Variants in SVEP1 observed in about 807,000 individuals in gnomAD.
The protein encoded by SVEP1 is sushi, von Willebrand factor type A, EGF and pentraxin domain-containing protein 1.
In SVEP1, 164 loss-of-function variants were observed where a neutral mutation model predicts 367.3. That is an observed-to-expected ratio of 0.45 (90% CI 0.39 to 0.51). The LOEUF is 0.51. SVEP1 is among the 20% of genes least tolerant of loss of function. The probability of loss-of-function intolerance (pLI) is 0.00; values close to 1 mark genes in which losing one functional copy is unlikely to be tolerated. For synonymous variants in SVEP1, 1,666 were observed against 1,611.6 expected (o/e 1.03, Z -0.81); for missense variants, 4,117 against 4,425.3 (o/e 0.93, Z 1.98).
At chr9:110,381,994 TA>T (rs1827445487) in intron 43 of SVEP1, among the ~76,000 whole-genome samples, 1 of 152,214 alleles carries the variant, frequency 6.6e-6, no homozygotes, top group Admixed American at 6.5e-5. Flanking sequence ...TGTCAGAAAC[TA>T]GAAATACAAC....
chr9:110,450,268 T>C lies in SVEP1; in HGVS notation c.3902-8A>G, dbSNP rs1564146310. ...CTGTTTCACAATGCAGGCCTGAGGA[T>C]GGAGAAGGAAGAGAAACAGCCCAAA... On this transcript the variant is annotated splice_region_variant and splice_polypyrimidine_tract_variant and intron_variant, in intron 23 of 47. Transcript: ENST00000374469. 5.0e-6 allele frequency: 8 copies of C among 1,613,350 alleles called. No individual in the cohort carries two copies. Among genetic ancestry groups the C allele is most frequent in the African/African-American group, 2.7e-5 (2 of 74,944 alleles).
intron 1 of SVEP1, among the ~76,000 whole-genome samples, chr9:110,573,202 CT>C (rs1383598547): frequency 7.3e-5 from 11 of 151,722 alleles, no homozygotes; most frequent in Non-Finnish European, 1.5e-4. Flanking sequence ...AGAACCCAAA[CT>C]TTCCTTATTA....
In SVEP1 at chr9:110,378,297, A is replaced by G. The variant is rs1588020090; in HGVS notation, c.10409-931T>C. On this transcript the variant is annotated intron_variant, in intron 44 of 47. Transcript: ENST00000374469. ...CTCAAAAGGCTCTACATTCTCTTACATCCCATGTATTGGTGATCTCACTTC... is the reference window on the plus strand; with the variant it reads ...CTCAAAAGGCTCTACATTCTCTTACGTCCCATGTATTGGTGATCTCACTTC... 2.6e-5 allele frequency among the ~76,000 whole-genome samples: 4 copies of G among 152,132 alleles called. No individual in the cohort carries two copies. The South Asian group carries it at 8.3e-4, about 31-fold the overall frequency.
rs765882845 is a variant in SVEP1, at chr9:110,404,530, C to T, written c.9463G>A (p.Asp3155Asn). ...KLRCLEGYTM[D>N]TDTDTFTCQK... is the part of the protein sequence containing the mutation. Reference sequence around the variant, plus strand: ...CAGGTGAATGTATCTGTATCTGTATCCATCGTATAACCTTCCAGACATCTG... The same window carrying T: ...CAGGTGAATGTATCTGTATCTGTATTCATCGTATAACCTTCCAGACATCTG... The change falls in exon 39 of 48, where the codon GAT becomes AAT. Residue 3155 changes from aspartate (D) to asparagine (N), a missense_variant. Transcript: ENST00000374469. 6 of 1,613,954 alleles carry T rather than the reference C, an allele frequency of 3.7e-6. No homozygotes were observed. In the South Asian group the frequency reaches 6.6e-5, roughly 18 times the overall value.
intron 8 of SVEP1, among the ~76,000 whole-genome samples, chr9:110,491,591 G>A (rs1240638031): frequency 1.2e-4 from 1 of 8,536 alleles, no homozygotes; most frequent in African/African-American, 7.5e-4. Flanking sequence ...ATAGAATGGG[G>A]TGTGTGTGTG....
Position 110,481,274 on chromosome 9 carries a change from G to A in SVEP1, c.2333C>T (p.Pro778Leu), listed in dbSNP as rs749825943. 1 of 1,602,196 alleles carries A rather than the reference G, an allele frequency of 6.2e-7. No individual in the cohort carries two copies. The highest frequency in any genetic ancestry group is 2.2e-5 in the East Asian group (1 of 44,638). Residue 778 changes from proline (P) to leucine (L), a missense_variant, in exon 12 of 48, where the codon CCA becomes CTA. By Grantham distance (98) the Pro-to-Leu change is moderately conservative. Coordinates refer to ENST00000374469, the MANE Select transcript of SVEP1 (RefSeq NM_153366.4). Reference sequence around the variant, plus strand: ...GTCTGGCCATTCAGTGGTATATGTTGGTTTCCAGACGCCATCTTCATAAGC... The same window carrying A: ...GTCTGGCCATTCAGTGGTATATGTTAGTTTCCAGACGCCATCTTCATAAGC... ...YCAYEDGVWK[P>L]TYTTEWPDCA...
chr9:110,448,127 G>A (rs1201757106), intron 24 of SVEP1, among the ~76,000 whole-genome samples: 2 of 131,640 alleles, frequency 1.5e-5, no homozygotes, highest in African/African-American at 3.0e-5. Context: ...GGAAGAAAGT[G>A]AATGTGTGTG....
chr9:110,398,174 C>T (rs7041340), intron 40 of SVEP1, among the ~76,000 whole-genome samples: 30,522 of 151,640 alleles, frequency 0.2, 3,194 homozygotes, highest in Middle Eastern at 0.32. Context: ...ACAGAGCCCT[C>T]AGAAATTATG....
chr9:110,403,782 T>C (rs1827907785), intron 39 of SVEP1, among the ~76,000 whole-genome samples: 1 of 151,984 alleles, frequency 6.6e-6, no homozygotes, highest in South Asian at 2.1e-4. Context: ...ACCAAGGTTG[T>C]AGAAGCAGGC....
At chr9:110,562,290 C>T (rs1830441972) in intron 1 of SVEP1, among the ~76,000 whole-genome samples, 1 of 151,394 alleles carries the variant, frequency 6.6e-6, no homozygotes, top group East Asian at 1.9e-4. Flanking sequence ...AATGACCTAT[C>T]ATTCTTAAAC....
At chr9:110,428,429 C>CACACA (rs60798857) in intron 35 of SVEP1, among the ~76,000 whole-genome samples, 6 of 151,110 alleles carry the variant, frequency 4.0e-5, no homozygotes, top group South Asian at 2.1e-4. Flanking sequence ...CACACACACA[C>CACACA]CATTAATCTC....
At chr9:110,385,819 C>CTTGA (rs1174446710) in intron 43 of SVEP1, 79 bp downstream of exon 43, 4 of 1,476,986 alleles carry the variant, frequency 2.7e-6, no homozygotes, top group Non-Finnish European at 3.6e-6. Flanking sequence ...AACTAAGTGA[C>CTTGA]TTGATTGAAA....
intron 17 of SVEP1, 25 bp from the exon 18 acceptor site, chr9:110,466,051 T>A (rs1828932186): frequency 6.2e-7 from 1 of 1,602,048 alleles, no homozygotes; most frequent in Non-Finnish European, 8.5e-7. Context: ...GTAATATTAC[T>A]ATCAATAATG....
chr9:110,430,107 C>CA, intron 33 of SVEP1, 103 bp from the exon 34 acceptor site: 13 of 964,342 alleles, frequency 1.3e-5, no homozygotes, highest in Non-Finnish European at 1.6e-5. Flanking sequence ...TGTTTGTTTT[C>CA]TTTTTTTTTT....
chr9:110,578,174 G>T (rs1007033756), intron 1 of SVEP1, among the ~76,000 whole-genome samples: 3 of 152,168 alleles, frequency 2.0e-5, no homozygotes, highest in African/African-American at 7.2e-5. Context: ...AATCCTAAGT[G>T]TCCAACAATA....
intron 19 of SVEP1, 99 bp downstream of exon 19, chr9:110,458,853 T>A (rs548918757): frequency 2.8e-6 from 4 of 1,438,678 alleles, no homozygotes; most frequent in African/African-American, 2.8e-5. Flanking sequence ...GATGCCCAAA[T>A]CCACCGAAAA....
chr9:110,424,139 A>G (rs556281874), intron 36 of SVEP1, among the ~76,000 whole-genome samples: 1 of 152,304 alleles, frequency 6.6e-6, no homozygotes, highest in South Asian at 2.1e-4. Flanking sequence ...GACAATTCCA[A>G]CTCTTCGTGT....
intron 5 of SVEP1, among the ~76,000 whole-genome samples, chr9:110,511,488 C>CTTTT (rs199993986): frequency 2.6e-4 from 20 of 77,550 alleles, no homozygotes; most frequent in Non-Finnish European, 4.1e-4. Flanking sequence ...GTGTCAGTAC[C>CTTTT]TTTTTTTTTT....
intron 45 of SVEP1, among the ~76,000 whole-genome samples, chr9:110,375,855 G>A (rs1827343431): frequency 6.6e-6 from 1 of 152,280 alleles, no homozygotes; most frequent in Middle Eastern, 3.4e-3. Context: ...CTGCCTTGAG[G>A]CTCTTCCTGT....
Sources: gnomAD v4.1 joint callset for allele counts (sites outside exome capture counted in the v4.1 genomes callset) on GRCh38, gnomAD v4.1.1 for gene constraint, MANE v1.5 for transcripts, NCBI Gene and HGNC (gene_info 2026-07-23, HGNC 2026-07-21) for gene names.